Variants in LRSAM1 observed in about 807,000 individuals in gnomAD.
The protein encoded by LRSAM1 is leucine rich repeat and sterile alpha motif containing 1.
Under a neutral mutation model 118.1 loss-of-function variants are expected in LRSAM1, and 96 were observed. The observed-to-expected ratio is 0.81, with a 90% CI of 0.69 to 0.96. The LOEUF is 0.96. Ranked by LOEUF, LRSAM1 falls within the 40% of genes least tolerant of loss-of-function variation. The pLI is 0.00. For missense variants in LRSAM1, 804 were observed against 915.5 expected, an observed-to-expected ratio of 0.88 and a Z score of 1.57; for synonymous variants, 322 against 364.2, an observed-to-expected ratio of 0.88 and a Z score of 1.32.
Position 127,501,125 on chromosome 9 carries a change from C to T in LRSAM1, c.2028C>T (p.Val676=), listed in dbSNP as rs566890772. The part of the protein sequence containing the change: ...AELEVQASEC[V]VCLEREAQMI... ...TGGAGGTGCAGGCCTCAGAGTGTGT[C>T]GTGTGCCTGGAACGGGAGGTAAGTC... Residue 676 remains valine, a synonymous_variant, in exon 25 of 26, where the codon GTC becomes GTT. Coordinates refer to ENST00000300417, the MANE Select transcript of LRSAM1 (RefSeq NM_001005373.4). 1.7e-5 allele frequency: 27 copies of T among 1,613,372 alleles called. No homozygotes were observed. The highest frequency in any genetic ancestry group is 1.9e-5 in the Non-Finnish European group (23 of 1,179,998).
rs150984897 is a variant in LRSAM1 at position 127,502,837 on chromosome 9, C to T, written c.2110C>T (p.Arg704Cys). The T allele has an allele frequency of 9.2e-5, 149 of 1,612,004 alleles. No homozygotes were observed. The highest frequency in any genetic ancestry group is 1.8e-4 in the Admixed American group (11 of 59,882). The change falls in exon 26 of 26, where the codon CGC becomes TGC. Residue 704 changes from arginine (R) to cysteine (C), a missense_variant. By Grantham distance (180) the Arg-to-Cys change is radical. Transcript: ENST00000300417. ...CCCQQCCQPL[R>C]TCPLCRQDIA... ...CTGCCAGCAGTGCTGCCAGCCACTGCGCACCTGCCCGCTGTGCCGCCAGGA... is the reference window on the plus strand; with the variant it reads ...CTGCCAGCAGTGCTGCCAGCCACTGTGCACCTGCCCGCTGTGCCGCCAGGA...
chr9:127,473,743 C>T (rs776448720), intron 10 of LRSAM1, 58 bp from the exon 11 acceptor site: 4 of 1,613,368 alleles, frequency 2.5e-6, no homozygotes, highest in Admixed American at 1.7e-5. Context: ...GAGCGGGTGT[C>T]TCTGGGTACC....
chr9:127,491,758 C>T (rs1835942322), intron 20 of LRSAM1, among the ~76,000 whole-genome samples: 2 of 152,208 alleles, frequency 1.3e-5, no homozygotes, highest in African/African-American at 4.8e-5. Flanking sequence ...GGGCTCCAGC[C>T]CGGGAGTCCT....
At position 127,500,989 on chromosome 9, in the gene LRSAM1, CTG is replaced by C. The variant is rs1221895567; in HGVS notation, c.1913-19_1913-18del. On this transcript the variant is annotated intron_variant, in intron 24 of 25. Transcript: ENST00000300417. Reference sequence around the variant, plus strand: ...TCAGCGGAGATGACCCTGGCTCAGTCTGTCTGTCTGGTCCCCACAGAGCTGAA... The same window carrying C: ...TCAGCGGAGATGACCCTGGCTCAGTCTCTGTCTGGTCCCCACAGAGCTGAA... 6.2e-7 allele frequency: 1 copy of C among 1,613,710 alleles called. No homozygotes were observed. Among genetic ancestry groups the C allele is most frequent in the African/African-American group, 1.3e-5 (1 of 75,052 alleles).
In LRSAM1 at chr9:127,492,855, C is replaced by G. The variant is rs1352690878; in HGVS notation, c.1557C>G (p.Leu519=). 2 of 1,614,028 alleles carry G rather than the reference C, an allele frequency of 1.2e-6. No homozygotes were observed. Among genetic ancestry groups the G allele is most frequent in the Non-Finnish European group, 1.7e-6 (2 of 1,180,040 alleles). ...TCAGCTCCCTGCTCCAGCAGCTGCT[C>G]AAAGAGAAGCAGCAGCGAGAGGAAG... The part of the protein sequence containing the change: ...WALSSLLQQL[L]KEKQQREEEL... Residue 519 remains leucine (L), a synonymous_variant, in exon 21 of 26, where the codon CTC becomes CTG. Transcript: ENST00000300417.
In LRSAM1 at chr9:127,497,301, C is replaced by G; in HGVS notation, c.1879C>G (p.Gln627Glu). 4 of 1,612,992 alleles carry G rather than the reference C, an allele frequency of 2.5e-6. No individual in the cohort carries two copies. Among genetic ancestry groups the G allele is most frequent in the Non-Finnish European group, 2.5e-6 (3 of 1,179,982 alleles). Reference sequence around the variant, plus strand: ...GCAGCACGAGATCCTCCGGAGAGTCCAGGAACTGCTGGATGCAGCCAGGAT... The same window carrying G: ...GCAGCACGAGATCCTCCGGAGAGTCGAGGAACTGCTGGATGCAGCCAGGAT... The part of the protein sequence containing the change: ...GLQHEILRRV[Q>E]ELLDAARIQP... The change falls in exon 24 of 26, where the codon CAG (glutamine) becomes GAG (glutamate). Residue 627 changes from glutamine (Q) to glutamate (E), a missense_variant. Gln to Glu is a conservative substitution (Grantham distance 29). Transcript: ENST00000300417.
At position 127,500,875 on chromosome 9, in the gene LRSAM1, C is replaced by G. The variant is rs1836360251; in HGVS notation, c.1913-135C>G. The G allele has an allele frequency of 3.3e-6, 4 of 1,210,794 alleles. No homozygotes were observed. In the South Asian group the frequency reaches 5.0e-5, roughly 15 times the overall value. The allele number at this position is 1,210,794 out of a possible 1,614,324, so 75.0% of individuals were successfully genotyped here. On this transcript the variant is annotated intron_variant, in intron 24 of 25. Transcript: ENST00000300417. ...GAGTGTGTGGCAAGGAGAGCACTTC[C>G]CTCAGATCTGAGAGCAGAGGCTCCC...
intron 10 of LRSAM1, among the ~76,000 whole-genome samples, chr9:127,469,299 A>G (rs964678656): frequency 1.3e-5 from 2 of 152,020 alleles, no homozygotes; most frequent in Non-Finnish European, 2.9e-5. Flanking sequence ...GTAAAACTCC[A>G]TCTCTACTAA....
rs1306857123 is a variant in LRSAM1 at position 127,465,926 on chromosome 9, G to A, written c.529-1814G>A. ...CTTCCTGGGCTTCATAAACACGGAG[G>A]CATCTGCATGTGTGCGCTGATAAAC... On this transcript the variant is annotated intron_variant, in intron 9 of 25. Coordinates refer to ENST00000300417, the MANE Select transcript of LRSAM1 (RefSeq NM_001005373.4). The surrounding 1 kb of genome is among the most constrained non-coding windows in gnomAD (Gnocchi z 4.1). Among the ~76,000 whole-genome samples the A allele has an allele frequency of 6.6e-6, 1 of 152,144 alleles. No individual in the cohort carries two copies. Among genetic ancestry groups the A allele is most frequent in the Non-Finnish European group, 1.5e-5 (1 of 68,032 alleles).
In LRSAM1 at chr9:127,457,340, C is replaced by T; in HGVS notation, c.199C>T (p.Leu67Phe). The change falls in exon 6 of 26, where the codon CTC becomes TTC. Residue 67 changes from leucine (L) to phenylalanine (F), a missense_variant. Leu to Phe is a conservative substitution (Grantham distance 22). Coordinates refer to ENST00000300417, the MANE Select transcript of LRSAM1 (RefSeq NM_001005373.4). The stretch of plus-strand genomic sequence containing the variant: ...GGTGCTGATCGTCCACACGAATCAC[C>T]TCACTTCCCTGCTTCCCAAATCCTG... ...KKVLIVHTNH[L>F]TSLLPKSCSL... 1 of 1,614,228 alleles carries T rather than the reference C, an allele frequency of 6.2e-7. No homozygotes were observed.
intron 2 of LRSAM1, among the ~76,000 whole-genome samples, chr9:127,454,246 C>T (rs1234774319): frequency 1.3e-5 from 2 of 151,954 alleles, no homozygotes; most frequent in Non-Finnish European, 2.9e-5. Context: ...CCTCTGCCCC[C>T]GTGGAACTCA....
intron 16 of LRSAM1, among the ~76,000 whole-genome samples, chr9:127,485,448 TC>T (rs1298772736): frequency 6.6e-6 from 1 of 151,976 alleles, no homozygotes; most frequent in Non-Finnish European, 1.5e-5. Flanking sequence ...TCCCAGCTAC[TC>T]GGGAGGCTGA....
intron 7 of LRSAM1, among the ~76,000 whole-genome samples, 199 bp downstream of exon 7, chr9:127,459,270 G>A (rs1328272237): frequency 1.3e-5 from 2 of 150,532 alleles, no homozygotes; most frequent in Non-Finnish European, 3.0e-5. Context: ...AGGCTGGGGT[G>A]CAGTGGCGCC....
Position 127,489,467 on chromosome 9 carries a change from C to G in LRSAM1, c.1371C>G (p.Phe457Leu), listed in dbSNP as rs571925919. 6.2e-7 allele frequency: 1 copy of G among 1,609,696 alleles called. No individual in the cohort carries two copies. The highest frequency in any genetic ancestry group is 1.7e-5 in the Admixed American group (1 of 59,362). Reference sequence around the variant, plus strand: ...AGAGCGCGATGCAGAAGGCTGCGTTCGAGGCACTCCAGGTGAAGAAAGACC... The same window carrying G: ...AGAGCGCGATGCAGAAGGCTGCGTTGGAGGCACTCCAGGTGAAGAAAGACC... ...LQESAMQKAA[F>L]EALQVKKDLM... Residue 457 changes from phenylalanine to leucine, a missense_variant, in exon 19 of 26, where the codon TTC becomes TTG. Transcript: ENST00000300417.
In LRSAM1 at chr9:127,461,167, T is replaced by C; in HGVS notation, c.322-6T>C. 1 of 1,608,948 alleles carries C rather than the reference T, an allele frequency of 6.2e-7. No individual in the cohort carries two copies. Among genetic ancestry groups the C allele is most frequent in the South Asian group, 1.1e-5 (1 of 90,978 alleles). ...CTGCGCCTGGCTGCCTCTTCCTCTT[T>C]CTTAGGTCTTAAACGTGGAAAGGAA... On this transcript the variant is annotated splice_polypyrimidine_tract_variant and splice_region_variant and intron_variant, in intron 7 of 25. Coordinates refer to ENST00000300417, the MANE Select transcript of LRSAM1 (RefSeq NM_001005373.4).
intron 21 of LRSAM1, among the ~76,000 whole-genome samples, chr9:127,494,655 A>G (rs1468937730): frequency 1.3e-5 from 2 of 152,196 alleles, no homozygotes; most frequent in Admixed American, 1.3e-4. Context: ...TAAAAGAATC[A>G]CATTCAGGCT....
intron 16 of LRSAM1, among the ~76,000 whole-genome samples, chr9:127,485,511 G>A (rs1410801046): frequency 2.0e-5 from 3 of 152,114 alleles, no homozygotes; most frequent in Admixed American, 6.5e-5. Flanking sequence ...AGCTGAGATC[G>A]CACCACTGCA....
chr9:127,501,363 T>C (rs759417653), intron 25 of LRSAM1, among the ~76,000 whole-genome samples: 1 of 152,076 alleles, frequency 6.6e-6, no homozygotes, highest in Non-Finnish European at 1.5e-5. Flanking sequence ...TGTTCCTACT[T>C]AATAAATACA....
At chr9:127,474,548 C>T (rs1046220854) in intron 11 of LRSAM1, among the ~76,000 whole-genome samples, 1 of 152,202 alleles carries the variant, frequency 6.6e-6, no homozygotes, top group Non-Finnish European at 1.5e-5. Flanking sequence ...CTTATCACAG[C>T]GCTAAATTGA....
Sources: allele counts gnomAD v4.1 joint callset (sites outside exome capture counted in the v4.1 genomes callset), GRCh38; gene constraint gnomAD v4.1.1; non-coding constraint Gnocchi (gnomAD v3.1); transcripts MANE v1.5; gene names NCBI Gene and HGNC (gene_info 2026-07-23, HGNC 2026-07-21).